The following FAM120A variants were observed in gnomAD, a reference collection of about 807,000 sequenced individuals.
FAM120A encodes the protein family with sequence similarity 120 member A.
Under a neutral mutation model 109.7 loss-of-function variants are expected in FAM120A, and 15 were observed. The ratio of observed to expected loss-of-function variants is 0.14; its 90% CI spans 0.09 to 0.21. The LOEUF is 0.21. Among genes scored for constraint, FAM120A ranks in the 10% least tolerant of loss-of-function variants. FAM120A has a pLI of 1.00. For missense variants in FAM120A, 899 were observed against 1,439.3 expected, an observed-to-expected ratio of 0.62 and a Z score of 6.07; for synonymous variants, 493 against 572.8, an observed-to-expected ratio of 0.86 and a Z score of 1.99.
chr9:93,562,097 C>G (rs1862488807), intron 16 of FAM120A, 111 bp from the exon 17 acceptor site: 2 of 915,108 alleles, frequency 2.2e-6, no homozygotes, highest in Non-Finnish European at 3.3e-6. Context: ...TGGGTTAATT[C>G]AGTGCTTCAT....
rs552903463 is a variant in FAM120A, at chr9:93,476,114, C to T, written c.722-142C>T. 1.5e-4 allele frequency: 89 copies of T among 585,250 alleles called. No homozygotes were observed. The East Asian group carries it at 2.5e-3, about 16-fold the overall frequency. 36.3% of individuals were successfully genotyped at this position (585,250 alleles called of 1,614,324 possible). On this transcript the variant is annotated intron_variant, in intron 2 of 17. Coordinates refer to ENST00000277165, the MANE Select transcript of FAM120A (RefSeq NM_014612.5). ...TGCAAAGATTCTGCCTGCTGTATGT[C>T]GCTTTATGTTAAGAGATGAAGATTT...
intron 7 of FAM120A, among the ~76,000 whole-genome samples, chr9:93,523,712 C>T (rs1860944250): frequency 6.6e-6 from 1 of 152,198 alleles, no homozygotes; most frequent in Non-Finnish European, 1.5e-5. Context: ...ACACTGTCTT[C>T]TGATGACAGC....
chr9:93,451,887 G>A lies in FAM120A; in HGVS notation c.-29G>A. On this transcript the variant is annotated 5_prime_UTR_variant, in exon 1 of 18. Transcript: ENST00000277165. ...CCCCCGGCCCCGCCGCCCCCCGCCC[G>A]CACCCGCGCCCGCGCCCCCGCCGCC... 3 of 920,952 alleles carry A rather than the reference G, an allele frequency of 3.3e-6. No homozygotes were observed. Among genetic ancestry groups the A allele is most frequent in the South Asian group, 4.2e-5 (1 of 23,576 alleles). The allele number at this position is 920,952 out of a possible 1,614,324, so 57.0% of individuals were successfully genotyped here.
chr9:93,519,872 AATT>A (rs1283144399), intron 7 of FAM120A, among the ~76,000 whole-genome samples: 13 of 152,180 alleles, frequency 8.5e-5, no homozygotes, highest in Admixed American at 2.0e-4. Context: ...GGTTTTCTAA[AATT>A]ATTATTATTA....
Position 93,532,899 on chromosome 9 carries a change from G to C in FAM120A, c.1909+570G>C, listed in dbSNP as rs1002058946. ...CTTCCAGCTGATCAACTCTGGGAGTGGGGGGTGCAGGTGGAAACACTGAAA... is the reference window on the plus strand; with the variant it reads ...CTTCCAGCTGATCAACTCTGGGAGTCGGGGGTGCAGGTGGAAACACTGAAA... On this transcript the variant is annotated intron_variant, in intron 10 of 17. Transcript: ENST00000277165. The surrounding 1 kb of genome is among the most constrained non-coding windows in gnomAD (Gnocchi z 4.3). 1.3e-5 allele frequency among the ~76,000 whole-genome samples: 2 copies of C among 152,300 alleles called. No individual in the cohort carries two copies. Among genetic ancestry groups the C allele is most frequent in the South Asian group, 2.1e-4 (1 of 4,832 alleles).
intron 7 of FAM120A, among the ~76,000 whole-genome samples, chr9:93,517,109 C>T (rs1048074187): frequency 8.5e-5 from 13 of 152,114 alleles, no homozygotes; most frequent in African/African-American, 3.1e-4. Context: ...GTGATCTTTT[C>T]CTCTCTGTCC....
chr9:93,562,350 A>G (rs1862497602), intron 17 of FAM120A, 46 bp downstream of exon 17: 1 of 1,456,704 alleles, frequency 6.9e-7, no homozygotes, highest in East Asian at 2.3e-5. Flanking sequence ...GCCCTCAGGG[A>G]TGTCTCCTGT....
At chr9:93,471,517 TCTTC>T (rs1482022965) in intron 2 of FAM120A, 130 bp downstream of exon 2, 2 of 1,145,552 alleles carry the variant, frequency 1.7e-6, no homozygotes, top group Non-Finnish European at 2.5e-6. Flanking sequence ...AGGCGTGGGC[TCTTC>T]CTTAGCATTC....
At chr9:93,513,011 C>T (rs976835346) in intron 5 of FAM120A, among the ~76,000 whole-genome samples, 1 of 152,122 alleles carries the variant, frequency 6.6e-6, no homozygotes, top group African/African-American at 2.4e-5. Context: ...AATCAAAAAA[C>T]AAAAATGATC....
At chr9:93,453,211 G>T in intron 1 of FAM120A, 2 of 1,004,820 alleles carry the variant, frequency 2.0e-6, no homozygotes, top group Non-Finnish European at 2.4e-6. Flanking sequence ...CGGGTGCACA[G>T]TAAGTATTCA....
chr9:93,476,214 C>A (rs947656899), intron 2 of FAM120A, 42 bp from the exon 3 acceptor site: 22 of 1,386,476 alleles, frequency 1.6e-5, no homozygotes, highest in Non-Finnish European at 2.1e-5. Flanking sequence ...CCCTATGTTA[C>A]TTAAGATGAT....
intron 13 of FAM120A, 78 bp downstream of exon 13, chr9:93,556,669 C>G: frequency 7.4e-7 from 1 of 1,354,696 alleles, no homozygotes; most frequent in Non-Finnish European, 1.0e-6. Flanking sequence ...TCTTTTATAC[C>G]ATATTTATCA....
intron 5 of FAM120A, among the ~76,000 whole-genome samples, chr9:93,508,405 C>T (rs1434038093): frequency 6.6e-6 from 1 of 152,138 alleles, no homozygotes; most frequent in Non-Finnish European, 1.5e-5. Context: ...AGCCTGTGCC[C>T]TGACAGGTCC....
intron 7 of FAM120A, among the ~76,000 whole-genome samples, chr9:93,518,190 TC>T (rs1860683129): frequency 6.6e-6 from 1 of 152,170 alleles, no homozygotes; most frequent in Admixed American, 6.5e-5. Flanking sequence ...GGGTGCTTGT[TC>T]CTGAAGGCTT....
chr9:93,518,596 G>C (rs936468438), intron 7 of FAM120A, among the ~76,000 whole-genome samples: 2 of 152,214 alleles, frequency 1.3e-5, no homozygotes, highest in African/African-American at 4.8e-5. Context: ...AGGTCTGTGC[G>C]CAGAGCTTGC....
chr9:93,546,357 A>T (rs1425737119), intron 11 of FAM120A, among the ~76,000 whole-genome samples: 1 of 152,138 alleles, frequency 6.6e-6, no homozygotes, highest in African/African-American at 2.4e-5. Context: ...CTGAGTGAGG[A>T]CACACTCTGG....
intron 5 of FAM120A, among the ~76,000 whole-genome samples, chr9:93,503,283 C>T (rs1859883157): frequency 1.3e-5 from 2 of 152,172 alleles, no homozygotes; most frequent in South Asian, 4.1e-4. Flanking sequence ...AACCTGCACA[C>T]AGATATTTAA....
At chr9:93,545,780 CTTTT>C (rs774150537) in intron 11 of FAM120A, among the ~76,000 whole-genome samples, 2,023 of 65,402 alleles carry the variant, frequency 0.031, 26 homozygotes, top group African/African-American at 0.044. Context: ...GGAAAGACTC[CTTTT>C]TTTTTTTTTT....
chr9:93,550,109 A>G (rs1339441974), intron 11 of FAM120A, among the ~76,000 whole-genome samples: 1 of 152,098 alleles, frequency 6.6e-6, no homozygotes, highest in Non-Finnish European at 1.5e-5. Flanking sequence ...ATCTTCGGTT[A>G]TTTACCTGCT....
Sources: allele counts gnomAD v4.1 joint callset (sites outside exome capture counted in the v4.1 genomes callset), GRCh38; gene constraint gnomAD v4.1.1; non-coding constraint Gnocchi (gnomAD v3.1); transcripts MANE v1.5; gene names NCBI Gene and HGNC (gene_info 2026-07-23, HGNC 2026-07-21).